CUX1: variants seen among roughly 807,000 people sequenced by gnomAD.
CUX1 encodes the protein protein CASP.
In CUX1, 31 loss-of-function variants were observed where a neutral mutation model predicts 158.8. The observed-to-expected ratio is 0.20, with a 90% CI of 0.15 to 0.26. The LOEUF (loss-of-function observed/expected upper bound fraction) is 0.26, where lower values mean the gene tolerates loss of function less well. Among genes scored for constraint, CUX1 ranks in the 10% least tolerant of loss-of-function variants. CUX1 has a pLI of 1.00. For missense variants in CUX1, 1,589 were observed against 2,014.6 expected (o/e 0.79, Z 4.04); for synonymous variants, 879 against 862.1 (o/e 1.02, Z -0.34).
intron 2 of CUX1, among the ~76,000 whole-genome samples, chr7:101,923,070 G>A (rs1805149988): frequency 6.6e-6 from 1 of 152,318 alleles, no homozygotes; most frequent in African/African-American, 2.4e-5. Context: ...TTCTGGAGGC[G>A]AGGTTACGGG....
chr7:102,161,005 G>A (rs1339524428), intron 9 of CUX1: 1 of 152,186 alleles, frequency 6.6e-6, no homozygotes. Context: ...TTTAGCTAAT[G>A]CTTCCTTTGC....
At chr7:101,861,877 C>G (rs1206668425) in intron 1 of CUX1, among the ~76,000 whole-genome samples, 1 of 152,006 alleles carries the variant, frequency 6.6e-6, no homozygotes, top group Admixed American at 6.6e-5. Flanking sequence ...CTCTGTGGCC[C>G]AGGCTGGAGT....
chr7:102,055,447 A>G (rs766900125), intron 3 of CUX1, among the ~76,000 whole-genome samples: 8 of 152,190 alleles, frequency 5.3e-5, no homozygotes, highest in Non-Finnish European at 1.2e-4. Flanking sequence ...TAATTCCCAC[A>G]ATATTTCCAA....
intron 1 of CUX1, among the ~76,000 whole-genome samples, chr7:101,820,971 C>T (rs1320216627): frequency 2.0e-5 from 3 of 152,210 alleles, no homozygotes; most frequent in African/African-American, 7.2e-5. Context: ...TGTTGCTTAC[C>T]TGGACAAAGC....
upstream of CUX1, among the ~76,000 whole-genome samples, chr7:101,816,730 G>A (rs1477823326): frequency 6.9e-6 from 1 of 144,916 alleles, no homozygotes; most frequent in Non-Finnish European, 1.5e-5. Context: ...TGGTGCCGCC[G>A]GCTCGGGGGA....
At chr7:102,049,698 A>C (rs1823253896) in intron 3 of CUX1, among the ~76,000 whole-genome samples, 2 of 152,068 alleles carry the variant, frequency 1.3e-5, no homozygotes, top group African/African-American at 2.4e-5. Flanking sequence ...AAAACAAAAA[A>C]AGAAAAACGG....
At chr7:102,111,607 C>A in intron 6 of CUX1, 91 bp from the exon 7 acceptor site, 1 of 1,201,882 alleles carries the variant, frequency 8.3e-7, no homozygotes, top group Non-Finnish European at 1.2e-6. Context: ...CAGCTGAGCG[C>A]AGGGAGGGAG....
At chr7:102,211,958 A>G (rs1796585623) in intron 20 of CUX1, among the ~76,000 whole-genome samples, 1 of 152,056 alleles carries the variant, frequency 6.6e-6, no homozygotes, top group Non-Finnish European at 1.5e-5. Flanking sequence ...CCACAGGAGG[A>G]AGGGCACATG....
intron 1 of CUX1, among the ~76,000 whole-genome samples, chr7:101,837,705 C>T (rs1794773049): frequency 1.3e-5 from 2 of 151,634 alleles, no homozygotes; most frequent in Admixed American, 1.3e-4. Flanking sequence ...GTGACGCACA[C>T]CTGTGTTCCC....
At chr7:101,891,422 AGTT>A (rs1323080518) in intron 1 of CUX1, among the ~76,000 whole-genome samples, 1 of 152,122 alleles carries the variant, frequency 6.6e-6, no homozygotes, top group African/African-American at 2.4e-5. Flanking sequence ...CCTCATAAGT[AGTT>A]GTTTCCCAGG....
At chr7:102,119,354 G>A (rs1377656476) in intron 8 of CUX1, among the ~76,000 whole-genome samples, 4 of 152,210 alleles carry the variant, frequency 2.6e-5, no homozygotes, top group Non-Finnish European at 4.4e-5. Flanking sequence ...CCGGTTTATC[G>A]TGAGCAGTCA....
intron 8 of CUX1, among the ~76,000 whole-genome samples, chr7:102,152,421 G>T (rs1223645853): frequency 4.0e-5 from 6 of 150,876 alleles, no homozygotes; most frequent in African/African-American, 1.5e-4. Context: ...GTTTGTTTTT[G>T]TTTGTTTGTT....
chr7:102,167,732 G>A (rs1163507864), intron 9 of CUX1, among the ~76,000 whole-genome samples: 1 of 152,184 alleles, frequency 6.6e-6, no homozygotes, highest in Non-Finnish European at 1.5e-5. Flanking sequence ...GACACATCTG[G>A]AAATAAACTG....
Position 102,115,284 on chromosome 7 carries a change from C to G in CUX1, c.674+11C>G. ...AGAAACTACTGCAAAGTAAGTCTCT[C>G]TGCTTGGCCTCCCTTATCCGTACAC... On this transcript the variant is annotated intron_variant, in intron 8 of 23. Coordinates refer to ENST00000292535, the MANE Select transcript of CUX1 (RefSeq NM_181552.4). The G allele has an allele frequency of 6.2e-7, 1 of 1,606,146 alleles. No homozygotes were observed. Among genetic ancestry groups the G allele is most frequent in the Non-Finnish European group, 8.5e-7 (1 of 1,177,940 alleles).
At chr7:101,898,524 T>G (rs1801772634) in intron 1 of CUX1, among the ~76,000 whole-genome samples, 1 of 152,124 alleles carries the variant, frequency 6.6e-6, no homozygotes, top group African/African-American at 2.4e-5. Flanking sequence ...ATGTACTTTA[T>G]TCACTGAAGC....
chr7:102,011,368 A>G (rs1817994150), intron 2 of CUX1, among the ~76,000 whole-genome samples: 1 of 151,832 alleles, frequency 6.6e-6, no homozygotes, highest in Non-Finnish European at 1.5e-5. Context: ...GAGACCACCA[A>G]TGCGTTTCTC....
intron 8 of CUX1, among the ~76,000 whole-genome samples, chr7:102,117,743 A>G (rs1554492273): frequency 6.6e-6 from 1 of 152,186 alleles, no homozygotes; most frequent in African/African-American, 2.4e-5. Context: ...CGGGATTGGA[A>G]GATGAGTCAA....
intron 9 of CUX1, among the ~76,000 whole-genome samples, chr7:102,164,786 A>G (rs1438519167): frequency 6.6e-6 from 1 of 152,112 alleles, no homozygotes; most frequent in Non-Finnish European, 1.5e-5. Flanking sequence ...TTAGCCCATC[A>G]TCAGCTCCTG....
intron 2 of CUX1, among the ~76,000 whole-genome samples, chr7:101,934,384 ATC>A (rs1806673822): frequency 6.6e-6 from 1 of 152,178 alleles, no homozygotes; most frequent in South Asian, 2.1e-4. Flanking sequence ...TTCTGGTTGT[ATC>A]TCTCTGACAA....
Sources: gnomAD v4.1 joint callset for allele counts (sites outside exome capture counted in the v4.1 genomes callset) on GRCh38, gnomAD v4.1.1 for gene constraint, MANE v1.5 for transcripts, NCBI Gene and HGNC (gene_info 2026-07-23, HGNC 2026-07-21) for gene names.